ANKFN1: variants seen among roughly 807,000 people sequenced by gnomAD.
ANKFN1 encodes the protein ankyrin repeat and fibronectin type-III domain-containing protein 1.
A neutral mutation model predicts 108.7 loss-of-function variants in ANKFN1; 74 were observed. The ratio of observed to expected loss-of-function variants is 0.68; its 90% CI spans 0.56 to 0.83. The LOEUF is 0.83. Ranked by LOEUF, ANKFN1 falls within the 40% of genes least tolerant of loss-of-function variation. The pLI is 0.00. For missense variants in ANKFN1, 1,505 were observed against 1,382.3 expected (o/e 1.09, Z -1.41); for synonymous variants, 547 against 516.2 (o/e 1.06, Z -0.81).
chr17:56,430,338 A>G (rs2145108972), intron 8 of ANKFN1, among the ~76,000 whole-genome samples: 1 of 152,258 alleles, frequency 6.6e-6, no homozygotes, highest in Middle Eastern at 3.4e-3. Context: ...CAAACAGAAA[A>G]AGAGGGTAGA....
chr17:56,385,116 A>C (rs1325695029), intron 8 of ANKFN1, among the ~76,000 whole-genome samples: 1 of 151,458 alleles, frequency 6.6e-6, no homozygotes, highest in South Asian at 2.1e-4. Context: ...TGGTACCAAA[A>C]CAGAGATATA....
chr17:56,469,036 A>G (rs936923554), intron 15 of ANKFN1, among the ~76,000 whole-genome samples: 1 of 152,308 alleles, frequency 6.6e-6, no homozygotes, highest in African/African-American at 2.4e-5. Context: ...AACATGATAT[A>G]ATACCTGGTT....
chr17:56,385,118 A>G lies in ANKFN1; in HGVS notation c.910+10404A>G, dbSNP rs1407599526. On this transcript the variant is annotated intron_variant, in intron 8 of 20. Transcript: ENST00000682825. The stretch of plus-strand genomic sequence containing the variant: ...AACAGCATGGTACTGGTACCAAAAC[A>G]GAGATATAGATCAATGGAACAGAAC... Among the ~76,000 whole-genome samples, 4 of 151,520 alleles carry G rather than the reference A, an allele frequency of 2.6e-5. No individual in the cohort carries two copies. The East Asian group carries it at 7.7e-4, about 29-fold the overall frequency.
chr17:56,456,055 G>A (rs1245382786), intron 11 of ANKFN1, among the ~76,000 whole-genome samples: 1 of 152,090 alleles, frequency 6.6e-6, no homozygotes. Flanking sequence ...GTGGGGTTTT[G>A]CTCTTTTTTT....
chr17:56,418,970 C>CGATCTCA (rs1461607808), intron 8 of ANKFN1, among the ~76,000 whole-genome samples: 1 of 152,158 alleles, frequency 6.6e-6, no homozygotes, highest in East Asian at 1.9e-4. Context: ...GGTTCAACTC[C>CGATCTCA]GATCTCAGGG....
intron 8 of ANKFN1, among the ~76,000 whole-genome samples, chr17:56,377,723 C>T (rs2046982545): frequency 6.6e-6 from 1 of 152,178 alleles, no homozygotes; most frequent in African/African-American, 2.4e-5. Context: ...AGGCCTGAGA[C>T]AGAAAACATT....
intron 16 of ANKFN1, 145 bp from the exon 17 acceptor site, chr17:56,480,523 C>A: frequency 1.2e-6 from 1 of 855,124 alleles, no homozygotes; most frequent in Non-Finnish European, 1.8e-6. Context: ...ATTTGGGTGG[C>A]AAAATGTTCA....
chr17:56,133,817 A>G (rs377145340), intron 4 of ANKFN1, among the ~76,000 whole-genome samples: 3 of 152,206 alleles, frequency 2.0e-5, no homozygotes, highest in Admixed American at 6.5e-5. Flanking sequence ...ACACCACTCA[A>G]CATAATACTT....
At chr17:56,207,943 C>T (rs545338765) in intron 1 of ANKFN1, among the ~76,000 whole-genome samples, 6 of 152,252 alleles carry the variant, frequency 3.9e-5, no homozygotes, top group East Asian at 3.9e-4. Context: ...TACCCATCAG[C>T]GCAAAATCTG....
chr17:56,078,820 G>A (rs6505036), intron 4 of ANKFN1, among the ~76,000 whole-genome samples: 88,270 of 152,004 alleles, frequency 0.58, 26,651 homozygotes, highest in Middle Eastern at 0.68. Context: ...GAGTCTCGAT[G>A]TATGTGGAGA....
At chr17:56,400,084 C>A (rs2047715544) in intron 8 of ANKFN1, among the ~76,000 whole-genome samples, 1 of 151,752 alleles carries the variant, frequency 6.6e-6, no homozygotes, top group Admixed American at 6.6e-5. Flanking sequence ...GACTTCTTTT[C>A]CTCTGGGTGG....
chr17:56,388,052 T>A (rs77653149), intron 8 of ANKFN1, among the ~76,000 whole-genome samples: 295 of 152,298 alleles, frequency 1.9e-3, no homozygotes, highest in Non-Finnish European at 3.1e-3. Context: ...CTTCTCATAG[T>A]CAGCCACTTT....
chr17:56,261,494 T>C (rs1567870361), intron 3 of ANKFN1, among the ~76,000 whole-genome samples: 1 of 152,224 alleles, frequency 6.6e-6, no homozygotes, highest in East Asian at 1.9e-4. Flanking sequence ...AATCACAAGG[T>C]GAAGTCCCAC....
intron 4 of ANKFN1, among the ~76,000 whole-genome samples, chr17:56,138,419 T>C (rs1907715676): frequency 6.6e-6 from 1 of 152,156 alleles, no homozygotes; most frequent in Non-Finnish European, 1.5e-5. Context: ...ATAGTACTCA[T>C]ACAGCAGAGT....
chr17:56,490,267 C>T (rs758266455), intron 18 of ANKFN1, among the ~76,000 whole-genome samples: 11 of 152,170 alleles, frequency 7.2e-5, no homozygotes, highest in Non-Finnish European at 1.5e-4. Flanking sequence ...GAGGGAGAAA[C>T]TAGTTCCACC....
At chr17:56,326,712 A>T (rs975189631) in intron 4 of ANKFN1, among the ~76,000 whole-genome samples, 1 of 152,246 alleles carries the variant, frequency 6.6e-6, no homozygotes, top group East Asian at 1.9e-4. Flanking sequence ...TTTTCCAGTC[A>T]GGTTCCTGAG....
intron 18 of ANKFN1, among the ~76,000 whole-genome samples, chr17:56,491,218 G>T (rs1477308063): frequency 6.6e-6 from 1 of 152,166 alleles, no homozygotes; most frequent in Admixed American, 6.5e-5. Context: ...TTGTTGGGTT[G>T]TAACAGCCCT....
chr17:56,387,588 T>A (rs1190239402), intron 8 of ANKFN1, among the ~76,000 whole-genome samples: 1 of 151,114 alleles, frequency 6.6e-6, no homozygotes, highest in Admixed American at 6.6e-5. Flanking sequence ...ATCAGTTGTA[T>A]ATGTGCCATA....
Position 56,480,625 on chromosome 17 carries a change from A to G in ANKFN1, c.1941-43A>G, listed in dbSNP as rs138553492. On this transcript the variant is annotated intron_variant, in intron 16 of 20. Coordinates refer to ENST00000682825, the MANE Select transcript of ANKFN1 (RefSeq NM_001370326.1). ...TAAGAAAGTTCTGAGCTGTGTTCTGAACTTTTGTTATATTTCTAATTTTAA... is the reference window on the plus strand; with the variant it reads ...TAAGAAAGTTCTGAGCTGTGTTCTGGACTTTTGTTATATTTCTAATTTTAA... 234 of 1,603,926 alleles carry G rather than the reference A, an allele frequency of 1.5e-4. No homozygotes were observed. The African/African-American group carries it at 2.5e-3, about 17-fold the overall frequency.
Sources: allele counts gnomAD v4.1 joint callset (sites outside exome capture counted in the v4.1 genomes callset), GRCh38; gene constraint gnomAD v4.1.1; transcripts MANE v1.5; gene names NCBI Gene and HGNC (gene_info 2026-07-23, HGNC 2026-07-21).